TYW1: variants seen among roughly 807,000 people sequenced by gnomAD.
TYW1 encodes tRNA-yW synthesizing protein 1 homolog.
A neutral mutation model predicts 96.2 loss-of-function variants in TYW1; 46 were observed. The ratio of observed to expected loss-of-function variants is 0.48; its 90% confidence interval spans 0.38 to 0.61. The LOEUF is 0.61. Among genes scored for constraint, TYW1 ranks in the 20% least tolerant of loss-of-function variants. TYW1 has a pLI of 0.00. For synonymous variants in TYW1, 274 were observed against 323.0 expected (o/e 0.85, Z 1.63); for missense variants, 684 against 909.6 (o/e 0.75, Z 3.19).
rs114579436 is a variant in TYW1, at chr7:67,062,642, C to T, written c.1156-4643C>T. 2.0e-3 allele frequency among the ~76,000 whole-genome samples: 298 copies of T among 151,326 alleles called. 2 individuals are homozygous for T. Among genetic ancestry groups the T allele is most frequent in the African/African-American group, 6.6e-3 (271 of 41,186 alleles). ...AACAATATTATTACAGGTCCTGCAG[C>T]GATTGAAAGGATGATAAGGGAGTGC... On this transcript the variant is annotated intron_variant, in intron 9 of 15. Transcript: ENST00000359626.
chr7:67,137,734 T>A (rs1798311329), intron 13 of TYW1, among the ~76,000 whole-genome samples: 3 of 136,826 alleles, frequency 2.2e-5, no homozygotes. Flanking sequence ...TAAGACCTAA[T>A]TAAAAAAAAA....
chr7:67,204,119 C>T (rs1486828195), intron 15 of TYW1, among the ~76,000 whole-genome samples: 1 of 152,120 alleles, frequency 6.6e-6, no homozygotes, highest in African/African-American at 2.4e-5. Context: ...GAGGCATGCT[C>T]AGCTTCCTGA....
chr7:67,053,380 CTTT>C (rs35828058), intron 8 of TYW1, among the ~76,000 whole-genome samples: 3 of 134,372 alleles, frequency 2.2e-5, no homozygotes, highest in Admixed American at 7.5e-5. Context: ...TAGTTTGTTT[CTTT>C]TTTTTTTTTT....
At chr7:67,037,418 C>T (rs1794874253) in intron 7 of TYW1, among the ~76,000 whole-genome samples, 1 of 151,634 alleles carries the variant, frequency 6.6e-6, no homozygotes, top group Non-Finnish European at 1.5e-5. Context: ...GCAGGAGAAT[C>T]CCTTGAACCC....
chr7:67,073,151 A>G (rs1796087146), intron 10 of TYW1, among the ~76,000 whole-genome samples: 1 of 152,006 alleles, frequency 6.6e-6, no homozygotes, highest in Non-Finnish European at 1.5e-5. Flanking sequence ...ACAAAACACT[A>G]CAAGTATCTC....
chr7:67,159,571 C>G (rs4717351), intron 13 of TYW1, among the ~76,000 whole-genome samples: 9,277 of 151,796 alleles, frequency 0.061, 339 homozygotes, highest in Middle Eastern at 0.14. Flanking sequence ...GTTCAACTCA[C>G]CAGTATAACT....
At chr7:67,200,057 C>T (rs1242269698) in intron 15 of TYW1, among the ~76,000 whole-genome samples, 2 of 152,132 alleles carry the variant, frequency 1.3e-5, no homozygotes, top group Admixed American at 6.6e-5. Context: ...ATTGGTCTTC[C>T]CCCACCCACA....
intron 7 of TYW1, among the ~76,000 whole-genome samples, chr7:67,033,884 G>A (rs1051695579): frequency 6.6e-6 from 1 of 150,966 alleles, no homozygotes; most frequent in African/African-American, 2.5e-5. Context: ...TAGTAGAGAC[G>A]AGGTTTCACC....
At chr7:67,197,326 CTTTT>C (rs35406844) in intron 15 of TYW1, among the ~76,000 whole-genome samples, 1 of 142,522 alleles carries the variant, frequency 7.0e-6, no homozygotes. Flanking sequence ...AGACCTCTGT[CTTTT>C]TTTTTTTTTT....
chr7:67,220,496 C>T (rs1455289678), intron 15 of TYW1, among the ~76,000 whole-genome samples: 9 of 152,234 alleles, frequency 5.9e-5, no homozygotes, highest in African/African-American at 1.9e-4. Context: ...AGCCACCACG[C>T]CTGGCCTCAT....
intron 15 of TYW1, among the ~76,000 whole-genome samples, chr7:67,205,234 T>C (rs553147127): frequency 5.9e-5 from 9 of 152,274 alleles, no homozygotes; most frequent in Admixed American, 1.3e-4. Flanking sequence ...CAGCTTCTAT[T>C]GACCTATTGT....
At position 67,034,383 on chromosome 7, in the gene TYW1, G is replaced by C. The variant is rs140970186; in HGVS notation, c.984+9361G>C. On this transcript the variant is annotated intron_variant, in intron 7 of 15. Transcript: ENST00000359626. Reference sequence around the variant, plus strand: ...GGCCTCCCAAAGTGCTGGGATTACAGTCGTGAGCCACTGTGCCCGGCCTCC... The same window carrying C: ...GGCCTCCCAAAGTGCTGGGATTACACTCGTGAGCCACTGTGCCCGGCCTCC... Among the ~76,000 whole-genome samples the C allele has an allele frequency of 2.3e-3, 355 of 152,292 alleles. 1 individual carries two copies. Among genetic ancestry groups the C allele is most frequent in the African/African-American group, 7.8e-3 (324 of 41,566 alleles).
At chr7:67,155,543 C>T (rs1396038360) in intron 13 of TYW1, among the ~76,000 whole-genome samples, 2 of 148,846 alleles carry the variant, frequency 1.3e-5, no homozygotes, top group African/African-American at 5.1e-5. Flanking sequence ...TCATAAATTA[C>T]CCAGCTTTAG....
intron 13 of TYW1, among the ~76,000 whole-genome samples, chr7:67,166,332 A>ATATATTATATATT (rs1491143794): frequency 9.1e-6 from 1 of 109,396 alleles, no homozygotes; most frequent in Admixed American, 8.8e-5. Flanking sequence ...TAACATATAT[A>ATATATTATATATT]ATATATATAA....
At chr7:67,183,696 C>T (rs150339726) in intron 14 of TYW1, among the ~76,000 whole-genome samples, 1 of 141,336 alleles carries the variant, frequency 7.1e-6, no homozygotes, top group African/African-American at 2.6e-5. Flanking sequence ...TACCTTTACC[C>T]ATTTTTTCTG....
chr7:67,211,384 G>A (rs530416545), intron 15 of TYW1, among the ~76,000 whole-genome samples: 5 of 152,242 alleles, frequency 3.3e-5, no homozygotes, highest in African/African-American at 1.2e-4. Context: ...AGTCAGCCAC[G>A]TGTTTTTGAC....
chr7:67,036,488 G>A (rs996802576), intron 7 of TYW1, among the ~76,000 whole-genome samples: 1 of 152,186 alleles, frequency 6.6e-6, no homozygotes, highest in Admixed American at 6.5e-5. Flanking sequence ...GGTGTGCCAA[G>A]ATTCTTTACA....
At chr7:67,032,447 T>C (rs991060100) in intron 7 of TYW1, among the ~76,000 whole-genome samples, 1 of 152,054 alleles carries the variant, frequency 6.6e-6, no homozygotes, top group Non-Finnish European at 1.5e-5. Context: ...GGCAAAACCC[T>C]GTCTCTACCA....
intron 13 of TYW1, among the ~76,000 whole-genome samples, chr7:67,131,648 A>T (rs1798077079): frequency 6.6e-6 from 1 of 152,150 alleles, no homozygotes. Context: ...AGGGGAGTTT[A>T]TTGGAGAATT....
Sources: allele counts gnomAD v4.1 joint callset (sites outside exome capture counted in the v4.1 genomes callset), GRCh38; gene constraint gnomAD v4.1.1; transcripts MANE v1.5; gene names NCBI Gene and HGNC (gene_info 2026-07-23, HGNC 2026-07-21).